The following DNMT3B variants were observed in gnomAD, a reference collection of about 807,000 sequenced individuals.
The protein encoded by DNMT3B is DNA (cytosine-5)-methyltransferase 3B.
In DNMT3B, 37 loss-of-function variants were observed where a neutral mutation model predicts 120.2. That is an observed-to-expected ratio of 0.31 (90% CI 0.24 to 0.40). The LOEUF is 0.40. Among genes scored for constraint, DNMT3B ranks in the 10% least tolerant of loss-of-function variants. The probability of loss-of-function intolerance (pLI) is 1.00; values close to 1 mark genes in which losing one functional copy is unlikely to be tolerated. For synonymous variants in DNMT3B, 412 were observed against 442.8 expected, an observed-to-expected ratio of 0.93 and a Z score of 0.87; for missense variants, 878 against 1,137.3, an observed-to-expected ratio of 0.77 and a Z score of 3.28.
intron 1 of DNMT3B, among the ~76,000 whole-genome samples, chr20:32,765,022 T>C (rs1305212512): frequency 1.3e-5 from 2 of 152,222 alleles, no homozygotes; most frequent in Non-Finnish European, 1.5e-5. Context: ...GGGATTCCTT[T>C]TCCTAGACCA....
At chr20:32,771,635 CAAA>C (rs10625883) in intron 1 of DNMT3B, among the ~76,000 whole-genome samples, 4 of 87,936 alleles carry the variant, frequency 4.5e-5, no homozygotes, top group Non-Finnish European at 4.5e-5. Context: ...GACCGCATCT[CAAA>C]AAAAAAAAAA....
intron 1 of DNMT3B, among the ~76,000 whole-genome samples, chr20:32,777,471 A>T (rs548907146): frequency 6.6e-6 from 1 of 152,150 alleles, no homozygotes; most frequent in Non-Finnish European, 1.5e-5. Flanking sequence ...CCCAGCACAC[A>T]TTAGAACCCC....
At chr20:32,780,561 C>T in intron 2 of DNMT3B, 96 bp downstream of exon 2, 1 of 1,533,878 alleles carries the variant, frequency 6.5e-7, no homozygotes, top group Admixed American at 1.9e-5. Context: ...CTCTGACAAC[C>T]TCCACCACAA....
At chr20:32,790,759 C>T (rs1412293284) in intron 7 of DNMT3B, among the ~76,000 whole-genome samples, 2 of 152,144 alleles carry the variant, frequency 1.3e-5, no homozygotes, top group South Asian at 2.1e-4. Context: ...CAGCCTCAAT[C>T]ACCTGGGCTC....
At chr20:32,776,984 G>T (rs1385514550) in intron 1 of DNMT3B, among the ~76,000 whole-genome samples, 1 of 152,160 alleles carries the variant, frequency 6.6e-6, no homozygotes. Context: ...ATGGGTGCAG[G>T]TTCTGAAGTT....
intron 14 of DNMT3B, 81 bp from the exon 15 acceptor site, chr20:32,798,378 AT>A: frequency 6.3e-7 from 1 of 1,576,764 alleles, no homozygotes; most frequent in Non-Finnish European, 8.7e-7. Flanking sequence ...GGGGGTTGGC[AT>A]TTCCCTGTGG....
Position 32,796,725 on chromosome 20 carries a change from C to T in DNMT3B, c.1298-65C>T, listed in dbSNP as rs1980664188. The T allele has an allele frequency of 3.8e-6, 6 of 1,580,272 alleles. No individual in the cohort carries two copies. The South Asian group carries it at 6.6e-5, about 17-fold the overall frequency. On this transcript the variant is annotated intron_variant, in intron 12 of 22. Transcript: ENST00000328111. ...GGGAAATCTTAGGAACTGAGAGACC[C>T]CAGGCTTTAGCAGCTGGTGTCAGGG...
In DNMT3B at chr20:32,779,724, C is replaced by T. The variant is rs923035992; in HGVS notation, c.-6-594C>T. On this transcript the variant is annotated intron_variant, in intron 1 of 22. Coordinates refer to ENST00000328111, the MANE Select transcript of DNMT3B (RefSeq NM_006892.4). Reference sequence around the variant, plus strand: ...GCTGGTGAGGGAGGAGGGGAGTGAGCGACAGGCCAGCAGACCAATGGGCCC... The same window carrying T: ...GCTGGTGAGGGAGGAGGGGAGTGAGTGACAGGCCAGCAGACCAATGGGCCC... The T allele has an allele frequency of 2.1e-5, 6 of 287,840 alleles. 1 individual carries two copies. In the South Asian group the frequency reaches 2.2e-4, roughly 10 times the overall value. The allele number at this position is 287,840 out of a possible 1,614,324, so 17.8% of individuals were successfully genotyped here.
Position 32,799,244 on chromosome 20 carries a change from G to A in DNMT3B, c.1675G>A (p.Glu559Lys). ...FFTSDTGLEYEAPKLYPAIPA... is the reference protein window; with the variant it reads ...FFTSDTGLEYKAPKLYPAIPA... Reference sequence around the variant, plus strand: ...CATGACCTCCTTCCTTACCTGGCAGGAAGCCCCCAAGCTGTACCCTGCCAT... The same window carrying A: ...CATGACCTCCTTCCTTACCTGGCAGAAAGCCCCCAAGCTGTACCCTGCCAT... Residue 559 changes from glutamate to lysine, a missense_variant and splice_region_variant, in exon 16 of 23, where the codon GAA (glutamate) becomes AAA (lysine). By Grantham distance (56) the Glu-to-Lys change is moderately conservative. This residue lies in a region of DNMT3B where 334 missense variants were observed against 518.8 expected (regional missense o/e 0.64). Coordinates refer to ENST00000328111, the MANE Select transcript of DNMT3B (RefSeq NM_006892.4). The A allele has an allele frequency of 6.2e-7, 1 of 1,611,454 alleles. No individual in the cohort carries two copies. Among genetic ancestry groups the A allele is most frequent in the Non-Finnish European group, 8.5e-7 (1 of 1,179,022 alleles).
chr20:32,799,139 C>T (rs1008671882), intron 15 of DNMT3B, 105 bp from the exon 16 acceptor site: 35 of 1,287,138 alleles, frequency 2.7e-5, no homozygotes, highest in Admixed American at 1.6e-4. Context: ...GCAGTGGCTA[C>T]GGCAAGGTTT....
At chr20:32,789,292 A>AG (rs1309705570) in intron 7 of DNMT3B, among the ~76,000 whole-genome samples, 1 of 152,170 alleles carries the variant, frequency 6.6e-6, no homozygotes, top group Non-Finnish European at 1.5e-5. Context: ...GTGGACTCTG[A>AG]GGGGCCAGGA....
At chr20:32,774,880 G>A (rs903186377) in intron 1 of DNMT3B, among the ~76,000 whole-genome samples, 11 of 151,894 alleles carry the variant, frequency 7.2e-5, no homozygotes, top group East Asian at 3.9e-4. Flanking sequence ...CACCACGACC[G>A]GCTAATTTTT....
intron 21 of DNMT3B, among the ~76,000 whole-genome samples, chr20:32,805,975 G>C (rs968692058): frequency 6.6e-6 from 1 of 151,948 alleles, no homozygotes; most frequent in Non-Finnish European, 1.5e-5. Flanking sequence ...GGCATTTGTG[G>C]GAAGCACAAA....
Position 32,791,714 on chromosome 20 carries a change from A to G in DNMT3B, c.921+6A>G. The stretch of plus-strand genomic sequence containing the variant: ...CCATGTACCATGCTCTGGAGGTAAC[A>G]TGGGATGAGGGAATGAGGGCTAAGC... On this transcript the variant is annotated splice_donor_region_variant and intron_variant, in intron 8 of 22. Coordinates refer to ENST00000328111, the MANE Select transcript of DNMT3B (RefSeq NM_006892.4). 18 of 1,613,708 alleles carry G rather than the reference A, an allele frequency of 1.1e-5. No homozygotes were observed. Among genetic ancestry groups the G allele is most frequent in the Non-Finnish European group, 1.5e-5 (18 of 1,179,696 alleles).
At chr20:32,793,694 T>A in intron 10 of DNMT3B, 99 bp downstream of exon 10, 1 of 1,391,622 alleles carries the variant, frequency 7.2e-7, no homozygotes, top group Non-Finnish European at 1.0e-6. Flanking sequence ...TCAAATTTCT[T>A]GAAAAGTCAA....
Position 32,780,013 on chromosome 20 carries a change from G to T in DNMT3B, c.-6-305G>T, listed in dbSNP as rs1201925625. 3 of 1,468,100 alleles carry T rather than the reference G, an allele frequency of 2.0e-6. No homozygotes were observed. The African/African-American group carries it at 4.2e-5, about 21-fold the overall frequency. 90.9% of individuals were successfully genotyped at this position (1,468,100 alleles called of 1,614,324 possible). On this transcript the variant is annotated intron_variant, in intron 1 of 22. Coordinates refer to ENST00000328111, the MANE Select transcript of DNMT3B (RefSeq NM_006892.4). Reference sequence around the variant, plus strand: ...GGTCCTAAATGGCATTGTTTGAAGGGGCCGGCTAATTGCACAGAGCAGTCT... The same window carrying T: ...GGTCCTAAATGGCATTGTTTGAAGGTGCCGGCTAATTGCACAGAGCAGTCT...
chr20:32,773,785 A>G (rs1987889799), intron 1 of DNMT3B, among the ~76,000 whole-genome samples: 1 of 151,788 alleles, frequency 6.6e-6, no homozygotes, highest in Admixed American at 6.6e-5. Flanking sequence ...GGGCAGGCCG[A>G]CACATTCAGC....
Position 32,806,323 on chromosome 20 carries a change from G to A in DNMT3B, c.2416G>A (p.Glu806Lys), listed in dbSNP as rs1330224703. ...AGATGTTTTGTGGTGCACTGAGCTC[G>A]AAAGGTGAGCAAGGCTGCACTTGGA... ...KEDVLWCTEL[E>K]RIFGFPVHYT... The change falls in exon 22 of 23, where the codon GAA becomes AAA. Residue 806 changes from glutamate (E) to lysine (K), a missense_variant. Glu to Lys is a moderately conservative substitution (Grantham distance 56). Around this residue, in one of 4 missense-constraint regions of DNMT3B, gnomAD observed 334 missense variants for 518.8 expected, o/e 0.64. Coordinates refer to ENST00000328111, the MANE Select transcript of DNMT3B (RefSeq NM_006892.4). 3 of 1,614,164 alleles carry A rather than the reference G, an allele frequency of 1.9e-6. No homozygotes were observed. Among genetic ancestry groups the A allele is most frequent in the Non-Finnish European group, 2.5e-6 (3 of 1,180,008 alleles).
chr20:32,769,339 G>A lies in DNMT3B; in HGVS notation c.-7+6640G>A, dbSNP rs1264296597. On this transcript the variant is annotated intron_variant, in intron 1 of 22. Transcript: ENST00000328111. ...CCTGACCTCGTGATCTGCCCGCCTC[G>A]GCCTCCCAAAGTACTGGGATTACAG... Among the ~76,000 whole-genome samples, 7 of 152,038 alleles carry A rather than the reference G, an allele frequency of 4.6e-5. No homozygotes were observed. In the East Asian group the frequency reaches 9.6e-4, roughly 21 times the overall value.
Sources: gnomAD v4.1 joint callset for allele counts (sites outside exome capture counted in the v4.1 genomes callset) on GRCh38, gnomAD v4.1.1 for gene constraint, gnomAD v4.1.1 regional missense constraint, MANE v1.5 for transcripts, NCBI Gene and HGNC (gene_info 2026-07-23, HGNC 2026-07-21) for gene names.